The following MAGI3 variants were observed in gnomAD, a reference collection of about 807,000 sequenced individuals.
The protein encoded by MAGI3 is membrane associated guanylate kinase, WW and PDZ domain containing 3, also known as membrane-associated guanylate kinase, WW and PDZ domain-containing protein 3.
MAGI3 carries 43 observed loss-of-function variants against 121.8 expected under a neutral mutation model. The ratio of observed to expected loss-of-function variants is 0.35; its 90% CI spans 0.28 to 0.46. The LOEUF (loss-of-function observed/expected upper bound fraction) is 0.46, where lower values mean the gene tolerates loss of function less well. Among genes scored for constraint, MAGI3 ranks in the 20% least tolerant of loss-of-function variants. The probability of loss-of-function intolerance (pLI) is 1.00; values close to 1 mark genes in which losing one functional copy is unlikely to be tolerated. For missense variants in MAGI3, 1,547 were observed against 1,797.3 expected, an observed-to-expected ratio of 0.86 and a Z score of 2.52; for synonymous variants, 553 against 639.3, an observed-to-expected ratio of 0.86 and a Z score of 2.04.
chr1:113,515,727 T>C (rs4839323), intron 1 of MAGI3, among the ~76,000 whole-genome samples: 36,710 of 151,990 alleles, frequency 0.24, 5,095 homozygotes, highest in East Asian at 0.63. Flanking sequence ...GTCACTATTA[T>C]AAAAACAAAC....
At position 113,653,863 on chromosome 1, in the gene MAGI3, T is replaced by C; in HGVS notation, c.2474T>C (p.Phe825Ser). Residue 825 changes from phenylalanine (F) to serine (S), a missense_variant, in exon 15 of 21, where the codon TTC becomes TCC. By Grantham distance (155) the Phe-to-Ser change is radical. Coordinates refer to ENST00000307546, the MANE Select transcript of MAGI3 (RefSeq NM_001142782.2). ...CCCGAGGACGACAGCTCTCAGGCCT[T>C]CATTTCAACACAGAATGGATCTCCC... ...KQPEDDSSQA[F>S]ISTQNGSPRL... The C allele has an allele frequency of 6.2e-7, 1 of 1,610,414 alleles. No individual in the cohort carries two copies. The highest frequency in any genetic ancestry group is 1.1e-5 in the South Asian group (1 of 90,538).
intron 9 of MAGI3, among the ~76,000 whole-genome samples, chr1:113,633,355 G>A (rs1277538571): frequency 9.7e-5 from 13 of 133,958 alleles, no homozygotes; most frequent in South Asian, 2.6e-4. Context: ...TCCGCCTCCC[G>A]GGTTCACGCC....
At chr1:113,460,653 C>T (rs1654984462) in intron 1 of MAGI3, among the ~76,000 whole-genome samples, 1 of 151,784 alleles carries the variant, frequency 6.6e-6, no homozygotes, top group African/African-American at 2.4e-5. Flanking sequence ...ACTAAAAATA[C>T]AAAAAATTAG....
At chr1:113,395,086 A>ATTT (rs1651021606) in intron 1 of MAGI3, among the ~76,000 whole-genome samples, 12 of 12,076 alleles carry the variant, frequency 9.9e-4, no homozygotes, top group South Asian at 2.2e-3. Context: ...TCTTTTTGTT[A>ATTT]GTTTTTTTTT....
At chr1:113,634,469 C>T (rs1372055447) in intron 9 of MAGI3, among the ~76,000 whole-genome samples, 1 of 152,178 alleles carries the variant, frequency 6.6e-6, no homozygotes, top group African/African-American at 2.4e-5. Flanking sequence ...CCAGTTTTCC[C>T]AGCACCATTT....
intron 1 of MAGI3, among the ~76,000 whole-genome samples, chr1:113,410,882 A>G (rs1184981397): frequency 6.6e-6 from 1 of 152,122 alleles, no homozygotes; most frequent in Non-Finnish European, 1.5e-5. Flanking sequence ...AAATTTTGCC[A>G]TAGGTAACTG....
rs1184815570 is a variant in MAGI3 at position 113,391,323 on chromosome 1, C to T, written c.290C>T (p.Pro97Leu). The change falls in exon 1 of 21, where the codon CCC (proline) becomes CTC (leucine). Residue 97 changes from proline to leucine, a missense_variant. Transcript: ENST00000307546. The surrounding 1 kb of genome is among the most constrained non-coding windows in gnomAD (Gnocchi z 4.4). ...GCTGTCATCCGCCACTTCCGCGAGC[C>T]CATCCGTCTCAAGACTGTGAAACCA... Reference protein sequence around the residue: ...TLAVIRHFREPIRLKTVKPGK... With the variant: ...TLAVIRHFRELIRLKTVKPGK... 2 of 1,597,986 alleles carry T rather than the reference C, an allele frequency of 1.3e-6. No individual in the cohort carries two copies. The highest frequency in any genetic ancestry group is 2.7e-5 in the African/African-American group (2 of 74,442).
rs1031772636 is a variant in MAGI3, at chr1:113,685,372, G to A, written c.*1358G>A. On this transcript the variant is annotated 3_prime_UTR_variant, in exon 21 of 21. Transcript: ENST00000307546. Reference sequence around the variant, plus strand: ...TGAGAATAAAACTATTTTATGGAGTGTGTGAACACACTTGTTCTGTCACCT... The same window carrying A: ...TGAGAATAAAACTATTTTATGGAGTATGTGAACACACTTGTTCTGTCACCT... The A allele has an allele frequency of 6.6e-6, 1 of 152,364 alleles. No homozygotes were observed. The highest frequency in any genetic ancestry group is 1.5e-5 in the Non-Finnish European group (1 of 68,054). The allele number at this position is 152,364 out of a possible 1,614,324, so 9.4% of individuals were successfully genotyped here. A position where few individuals can be genotyped will look rare whatever the true frequency, so the allele number is the denominator to read the frequency against.
intron 1 of MAGI3, among the ~76,000 whole-genome samples, chr1:113,517,707 G>T (rs1657996895): frequency 6.6e-6 from 1 of 151,604 alleles, no homozygotes; most frequent in Non-Finnish European, 1.5e-5. Context: ...AAATCTTTAG[G>T]CTGATCTTAG....
At chr1:113,436,439 A>G (rs1653570494) in intron 1 of MAGI3, among the ~76,000 whole-genome samples, 1 of 152,172 alleles carries the variant, frequency 6.6e-6, no homozygotes. Context: ...TCATATATTT[A>G]CATGCCTAAG....
chr1:113,587,260 C>T (rs754187198), intron 4 of MAGI3, among the ~76,000 whole-genome samples: 18 of 152,242 alleles, frequency 1.2e-4, no homozygotes, highest in South Asian at 8.3e-4. Flanking sequence ...TGCAGTGGTG[C>T]GATCTTGGCT....
intron 1 of MAGI3, among the ~76,000 whole-genome samples, chr1:113,432,258 T>C (rs1653336854): frequency 6.6e-6 from 1 of 152,236 alleles, no homozygotes; most frequent in East Asian, 1.9e-4. Context: ...ATTATTGACC[T>C]TGTTCTAGCA....
At chr1:113,621,987 G>A (rs1650846819) in intron 8 of MAGI3, among the ~76,000 whole-genome samples, 1 of 152,110 alleles carries the variant, frequency 6.6e-6, no homozygotes, top group African/African-American at 2.4e-5. Context: ...ACTGCTAATG[G>A]GCATGGGGAT....
At chr1:113,531,190 A>G (rs78267256) in intron 1 of MAGI3, among the ~76,000 whole-genome samples, 6,651 of 152,258 alleles carry the variant, frequency 0.044, 203 homozygotes, top group Non-Finnish European at 0.07. Flanking sequence ...TTTATTGAGA[A>G]ATAAGTAATA....
intron 1 of MAGI3, among the ~76,000 whole-genome samples, chr1:113,523,354 G>A (rs1430074557): frequency 1.3e-5 from 2 of 152,322 alleles, no homozygotes; most frequent in East Asian, 3.9e-4. Context: ...CTTGGTAGAG[G>A]CTGGAACAGT....
In MAGI3 at chr1:113,641,050, ATATAT is replaced by A. The variant is rs1440509478; in HGVS notation, c.1361-855_1361-851del. Among the ~76,000 whole-genome samples, 25 of 98,002 alleles carry A rather than the reference ATATAT, an allele frequency of 2.6e-4. 1 individual carries two copies. Among genetic ancestry groups the A allele is most frequent in the South Asian group, 5.6e-4 (2 of 3,578 alleles). 64.3% of individuals were successfully genotyped at this position (98,002 alleles called of 152,430 possible). On this transcript the variant is annotated intron_variant, in intron 9 of 20. Transcript: ENST00000307546. ...ATATATGATATATATAATATATATG[ATATAT>A]TATATATGATATATATAATATATAT... is the stretch of plus-strand genomic sequence containing the variant.
intron 6 of MAGI3, among the ~76,000 whole-genome samples, chr1:113,597,942 G>A (rs942362172): frequency 1.1e-4 from 16 of 152,090 alleles, no homozygotes; most frequent in African/African-American, 2.4e-4. Context: ...TGCCAGGCAC[G>A]GTGGCTCACA....
chr1:113,401,496 TCAG>T (rs1238534934), intron 1 of MAGI3, among the ~76,000 whole-genome samples: 3 of 152,168 alleles, frequency 2.0e-5, no homozygotes, highest in Non-Finnish European at 4.4e-5. Context: ...GAGAATATTT[TCAG>T]CAGAATATTT....
intron 1 of MAGI3, among the ~76,000 whole-genome samples, chr1:113,508,671 C>A (rs549174876): frequency 6.6e-6 from 1 of 152,176 alleles, no homozygotes; most frequent in Non-Finnish European, 1.5e-5. Flanking sequence ...ACTTCTAGTG[C>A]TATTCCTTGT....
Sources: allele counts gnomAD v4.1 joint callset (sites outside exome capture counted in the v4.1 genomes callset), GRCh38; gene constraint gnomAD v4.1.1; non-coding constraint Gnocchi (gnomAD v3.1); transcripts MANE v1.5; gene names NCBI Gene and HGNC (gene_info 2026-07-23, HGNC 2026-07-21).